Variants in CWC27 observed in about 807,000 individuals in gnomAD.
CWC27 encodes the protein spliceosome-associated protein CWC27 homolog.
In CWC27, 47 loss-of-function variants were observed where a neutral mutation model predicts 63.6. That is an observed-to-expected ratio of 0.74 (90% CI 0.58 to 0.94). The LOEUF (loss-of-function observed/expected upper bound fraction) is 0.94. Ranked by LOEUF, CWC27 falls within the 40% of genes least tolerant of loss-of-function variation. CWC27 has a pLI of 0.00. For synonymous variants in CWC27, 175 were observed against 179.8 expected (o/e 0.97, Z 0.22); for missense variants, 495 against 554.3 (o/e 0.89, Z 1.07).
intron 12 of CWC27, chr5:64,972,562 A>G: frequency 2.6e-6 from 1 of 379,656 alleles, no homozygotes; most frequent in Non-Finnish European, 5.1e-6. Context: ...ATATGGACAC[A>G]CCATTTTAGT....
intron 11 of CWC27, among the ~76,000 whole-genome samples, chr5:64,899,085 A>T (rs1470947820): frequency 2.0e-5 from 3 of 152,052 alleles, no homozygotes; most frequent in Admixed American, 6.6e-5. Context: ...AGGATGGGAG[A>T]TATATGGGGT....
intron 2 of CWC27, among the ~76,000 whole-genome samples, chr5:64,780,693 A>ATG (rs1554067284): frequency 1.5e-4 from 7 of 47,664 alleles, no homozygotes; most frequent in Admixed American, 1.2e-3. Context: ...ACACGCGCAC[A>ATG]CGCGCGCACA....
intron 11 of CWC27, among the ~76,000 whole-genome samples, chr5:64,926,591 A>G (rs1748112524): frequency 6.6e-6 from 1 of 152,162 alleles, no homozygotes; most frequent in Non-Finnish European, 1.5e-5. Context: ...ATGAAGACGT[A>G]AATAAAAAAT....
intron 10 of CWC27, among the ~76,000 whole-genome samples, chr5:64,865,781 G>T (rs185223022): frequency 6.6e-6 from 1 of 151,968 alleles, no homozygotes; most frequent in African/African-American, 2.4e-5. Context: ...GAAGAGTCAC[G>T]TTGGGCATAT....
intron 11 of CWC27, among the ~76,000 whole-genome samples, chr5:64,898,553 C>T (rs752202060): frequency 7.2e-5 from 11 of 151,786 alleles, no homozygotes; most frequent in Non-Finnish European, 1.5e-4. Flanking sequence ...CCTTCTAATG[C>T]AGAGAAAGCA....
At chr5:64,986,385 A>G (rs1305886836) in intron 13 of CWC27, among the ~76,000 whole-genome samples, 2 of 152,186 alleles carry the variant, frequency 1.3e-5, no homozygotes, top group East Asian at 1.9e-4. Flanking sequence ...GATAAATCCC[A>G]CTTGGTCATG....
intron 10 of CWC27, among the ~76,000 whole-genome samples, chr5:64,854,205 G>A (rs1050251990): frequency 3.3e-5 from 5 of 152,062 alleles, no homozygotes; most frequent in South Asian, 2.1e-4. Context: ...TCCTTCATCC[G>A]CTGATGGACA....
chr5:64,987,687 T>C (rs1050286137), intron 13 of CWC27, among the ~76,000 whole-genome samples: 3 of 152,366 alleles, frequency 2.0e-5, no homozygotes, highest in South Asian at 4.1e-4. Context: ...CCTGCATTTC[T>C]GAGGGATATT....
intron 13 of CWC27, among the ~76,000 whole-genome samples, chr5:64,985,675 T>G (rs1361595039): frequency 6.6e-6 from 1 of 152,360 alleles, no homozygotes; most frequent in East Asian, 1.9e-4. Flanking sequence ...TGTTGCTTTT[T>G]GTTTTATATA....
At chr5:64,919,770 G>A (rs1259137178) in intron 11 of CWC27, among the ~76,000 whole-genome samples, 1 of 152,152 alleles carries the variant, frequency 6.6e-6, no homozygotes, top group Non-Finnish European at 1.5e-5. Flanking sequence ...TGGGCACCTT[G>A]GTTGATTCCA....
At chr5:64,999,579 T>C (rs964172072) in intron 13 of CWC27, among the ~76,000 whole-genome samples, 1 of 152,120 alleles carries the variant, frequency 6.6e-6, no homozygotes, top group African/African-American at 2.4e-5. Context: ...TGAGTGAGAA[T>C]ATGCAGTATT....
chr5:64,911,358 A>G lies in CWC27; in HGVS notation c.1042+25812A>G, dbSNP rs563606920. On this transcript the variant is annotated intron_variant, in intron 11 of 13. Coordinates refer to ENST00000381070, the MANE Select transcript of CWC27 (RefSeq NM_005869.4). ...ATTAGTATAGAGTGGAGGATTAACT[A>G]AGGCATATGGTTTAATCATGAAAGG... Among the ~76,000 whole-genome samples, 6 of 152,326 alleles carry G rather than the reference A, an allele frequency of 3.9e-5. No individual in the cohort carries two copies. The South Asian group carries it at 1.0e-3, about 26-fold the overall frequency.
chr5:64,935,278 T>C (rs1748322769), intron 11 of CWC27, among the ~76,000 whole-genome samples: 1 of 152,210 alleles, frequency 6.6e-6, no homozygotes, highest in Admixed American at 6.5e-5. Flanking sequence ...TTAATTCTTG[T>C]GTAAGATGTA....
chr5:65,002,954 A>G (rs1749758567), intron 13 of CWC27, among the ~76,000 whole-genome samples: 1 of 152,100 alleles, frequency 6.6e-6, no homozygotes, highest in South Asian at 2.1e-4. Context: ...CTTGCTTTAT[A>G]TGTCTGGGTG....
chr5:64,951,264 T>C (rs1748703653), intron 11 of CWC27, among the ~76,000 whole-genome samples: 2 of 151,884 alleles, frequency 1.3e-5, no homozygotes, highest in African/African-American at 4.8e-5. Flanking sequence ...TTTCAGCCAT[T>C]CTAAGGAATG....
At chr5:64,989,074 A>G (rs1434016985) in intron 13 of CWC27, among the ~76,000 whole-genome samples, 3 of 152,184 alleles carry the variant, frequency 2.0e-5, no homozygotes, top group Non-Finnish European at 4.4e-5. Flanking sequence ...ATCTTTAGTT[A>G]CACTGTTCTA....
At chr5:64,841,737 A>C (rs1239430655) in intron 10 of CWC27, among the ~76,000 whole-genome samples, 8 of 152,128 alleles carry the variant, frequency 5.3e-5, no homozygotes, top group Non-Finnish European at 8.8e-5. Context: ...GTGCAATGGC[A>C]CAATCGCGGC....
At chr5:64,827,806 A>G (rs924993001) in intron 10 of CWC27, among the ~76,000 whole-genome samples, 1 of 152,178 alleles carries the variant, frequency 6.6e-6, no homozygotes, top group Non-Finnish European at 1.5e-5. Context: ...CAGTCCAGAA[A>G]TATTAAATGG....
chr5:64,943,061 A>G (rs551078642), intron 11 of CWC27, among the ~76,000 whole-genome samples: 1 of 152,320 alleles, frequency 6.6e-6, no homozygotes, highest in East Asian at 1.9e-4. Context: ...AAAGTCTTAA[A>G]TGTTTAAAAC....
Sources: allele counts gnomAD v4.1 joint callset (sites outside exome capture counted in the v4.1 genomes callset), GRCh38; gene constraint gnomAD v4.1.1; transcripts MANE v1.5; gene names NCBI Gene and HGNC (gene_info 2026-07-23, HGNC 2026-07-21).